HDAC9: variants seen among roughly 807,000 people sequenced by gnomAD.
HDAC9 encodes MEF-2 interacting transcription repressor (MITR) protein.
In HDAC9, 41 loss-of-function variants were observed where a neutral mutation model predicts 139.4. The ratio of observed to expected loss-of-function variants is 0.29; its 90% CI spans 0.23 to 0.38. The LOEUF (loss-of-function observed/expected upper bound fraction) is 0.38. Ranked by LOEUF, HDAC9 falls within the 10% of genes least tolerant of loss-of-function variation. The pLI is 1.00. For synonymous variants in HDAC9, 517 were observed against 476.2 expected (o/e 1.09, Z -1.12); for missense variants, 1,147 against 1,297.0 (o/e 0.88, Z 1.78).
intron 22 of HDAC9, among the ~76,000 whole-genome samples, chr7:18,890,986 A>C (rs111290422): frequency 2.8e-3 from 426 of 152,314 alleles, no homozygotes; most frequent in Non-Finnish European, 4.9e-3. Flanking sequence ...TATTTTGGCG[A>C]GTCTGTCTGA....
chr7:18,440,248 G>A (rs1171748672), intron 1 of HDAC9, among the ~76,000 whole-genome samples: 2 of 149,484 alleles, frequency 1.3e-5, no homozygotes, highest in African/African-American at 2.5e-5. Flanking sequence ...GCAGTGGTGC[G>A]ATCTCGGCTC....
chr7:18,361,027 G>A (rs927674399), intron 1 of HDAC9, among the ~76,000 whole-genome samples: 1 of 152,174 alleles, frequency 6.6e-6, no homozygotes, highest in Non-Finnish European at 1.5e-5. Context: ...TTCCAAAAGA[G>A]CCTAGTTTCA....
intron 6 of HDAC9, among the ~76,000 whole-genome samples, chr7:18,604,544 C>A (rs1264828862): frequency 6.6e-6 from 1 of 151,792 alleles, no homozygotes; most frequent in Non-Finnish European, 1.5e-5. Context: ...GAAGCTGGGA[C>A]CACCACCACG....
intron 1 of HDAC9, among the ~76,000 whole-genome samples, chr7:18,392,315 T>TCTCTCA (rs1554402177): frequency 4.2e-5 from 5 of 119,298 alleles, no homozygotes; most frequent in African/African-American, 1.0e-4. Context: ...TCTCTCTCTC[T>TCTCTCA]CACACACACA....
At chr7:18,150,947 C>T (rs1786733690) in intron 1 of HDAC9, among the ~76,000 whole-genome samples, 1 of 152,162 alleles carries the variant, frequency 6.6e-6, no homozygotes, top group Admixed American at 6.5e-5. Context: ...ATATGATTTA[C>T]CAGCCTGATA....
intron 2 of HDAC9, among the ~76,000 whole-genome samples, chr7:18,201,468 C>T (rs1483588603): frequency 1.3e-5 from 2 of 152,142 alleles, no homozygotes; most frequent in African/African-American, 4.8e-5. Flanking sequence ...TTTAACAGTC[C>T]CCTACTGAGC....
intron 1 of HDAC9, among the ~76,000 whole-genome samples, chr7:18,094,110 C>G (rs1323566370): frequency 6.6e-6 from 1 of 152,182 alleles, no homozygotes; most frequent in Non-Finnish European, 1.5e-5. Flanking sequence ...TGTGTTAGAT[C>G]AGGTGCACAC....
chr7:18,827,635 C>G (rs189956090), intron 17 of HDAC9, among the ~76,000 whole-genome samples: 4 of 152,186 alleles, frequency 2.6e-5, no homozygotes, highest in Admixed American at 2.6e-4. Flanking sequence ...GTGTTTTCTT[C>G]TTTGTGTTGT....
chr7:18,601,963 A>G (rs1248097154), intron 6 of HDAC9, among the ~76,000 whole-genome samples: 4 of 152,138 alleles, frequency 2.6e-5, no homozygotes, highest in African/African-American at 9.7e-5. Flanking sequence ...TTTTGGCAGT[A>G]TGGTAATGCT....
At chr7:18,975,248 G>T (rs1161194150) in intron 24 of HDAC9, among the ~76,000 whole-genome samples, 3 of 152,150 alleles carry the variant, frequency 2.0e-5, no homozygotes, top group Non-Finnish European at 4.4e-5. Context: ...GTCAATTATT[G>T]TTCTAGTACA....
chr7:18,416,570 T>C (rs986060388), intron 1 of HDAC9, among the ~76,000 whole-genome samples: 1 of 152,182 alleles, frequency 6.6e-6, no homozygotes, highest in Non-Finnish European at 1.5e-5. Context: ...GCCAAATATT[T>C]AATGTCTATA....
chr7:18,369,066 T>C (rs1341407650), intron 1 of HDAC9, among the ~76,000 whole-genome samples: 4 of 152,288 alleles, frequency 2.6e-5, no homozygotes, highest in African/African-American at 9.6e-5. Context: ...GGTTTTCTTA[T>C]ATCTTTTTTC....
chr7:18,139,047 C>T (rs1032992384), intron 1 of HDAC9, among the ~76,000 whole-genome samples: 4 of 150,838 alleles, frequency 2.7e-5, no homozygotes, highest in Non-Finnish European at 4.4e-5. Flanking sequence ...TCATTCTAGA[C>T]AGTGGAAAGT....
intron 1 of HDAC9, among the ~76,000 whole-genome samples, chr7:18,292,641 T>G (rs1196876772): frequency 6.6e-6 from 1 of 152,160 alleles, no homozygotes; most frequent in Non-Finnish European, 1.5e-5. Flanking sequence ...AAATTAACCA[T>G]GCTTCAGTGG....
intron 1 of HDAC9, among the ~76,000 whole-genome samples, chr7:18,154,207 A>G (rs1282241749): frequency 1.3e-5 from 2 of 152,082 alleles, no homozygotes; most frequent in African/African-American, 4.8e-5. Flanking sequence ...TGATTTTTTT[A>G]TATAGCTAAC....
rs2129356419 is a variant in HDAC9, at chr7:18,998,708, A to T, written c.*2646A>T. ...AATTTTATTGCTCGCAGTTGTTCTG[A>T]ATGAGAGGCTAGAAGAGTATTATCA... On this transcript the variant is annotated 3_prime_UTR_variant, in exon 26 of 26. Transcript: ENST00000686413. The T allele has an allele frequency of 6.6e-6, 1 of 152,290 alleles. No individual in the cohort carries two copies. The highest frequency in any genetic ancestry group is 2.4e-5 in the African/African-American group (1 of 41,560). 9.4% of individuals were successfully genotyped at this position (152,290 alleles called of 1,614,324 possible). A position where few individuals can be genotyped will look rare whatever the true frequency, so the allele number is the denominator to read the frequency against.
chr7:18,551,517 G>A (rs1002381879), intron 2 of HDAC9, among the ~76,000 whole-genome samples: 22 of 152,268 alleles, frequency 1.4e-4, no homozygotes, highest in Admixed American at 7.2e-4. Flanking sequence ...AGCAACTAGT[G>A]AGATAGAAAC....
At chr7:18,983,524 C>A (rs1375546059) in intron 25 of HDAC9, among the ~76,000 whole-genome samples, 2 of 152,128 alleles carry the variant, frequency 1.3e-5, no homozygotes, top group Admixed American at 6.5e-5. Context: ...CTTGAGGAAT[C>A]TAAATCTCTA....
chr7:18,561,761 A>C (rs560733639), intron 2 of HDAC9, among the ~76,000 whole-genome samples: 1 of 152,204 alleles, frequency 6.6e-6, no homozygotes, highest in Non-Finnish European at 1.5e-5. Flanking sequence ...CCCATATTGT[A>C]GCATGTAACT....
Sources: allele counts gnomAD v4.1 joint callset (sites outside exome capture counted in the v4.1 genomes callset), GRCh38; gene constraint gnomAD v4.1.1; transcripts MANE v1.5; gene names NCBI Gene and HGNC (gene_info 2026-07-23, HGNC 2026-07-21).